The following STAT3 variants were observed in gnomAD, a reference collection of about 807,000 sequenced individuals.
STAT3 encodes DNA-binding protein APRF.
Under a neutral mutation model 114.3 loss-of-function variants are expected in STAT3, and 7 were observed. The observed-to-expected ratio is 0.06, with a 90% CI of 0.03 to 0.11. The LOEUF (loss-of-function observed/expected upper bound fraction) is 0.11. Ranked by LOEUF, STAT3 falls within the 10% of genes least tolerant of loss-of-function variation. The pLI is 1.00. For missense variants in STAT3, 364 were observed against 960.9 expected (o/e 0.38, Z 8.21); for synonymous variants, 331 against 354.5 (o/e 0.93, Z 0.74).
chr17:42,377,466 A>G (rs2084530753), intron 1 of STAT3, among the ~76,000 whole-genome samples: 1 of 152,176 alleles, frequency 6.6e-6, no homozygotes, highest in South Asian at 2.1e-4. Flanking sequence ...AGTGACAAAA[A>G]GCAAAATACA....
Position 42,333,849 on chromosome 17 carries a change from G to A in STAT3, c.956+42C>T. On this transcript the variant is annotated intron_variant, in intron 9 of 23. Transcript: ENST00000264657. The surrounding 1 kb of genome is among the most constrained non-coding windows in gnomAD (Gnocchi z 5.2). ...CTCACTCTACCACGTGAGTCTTTAG[G>A]TATTTTTTAGATGAGGGAAAGGGAC... 6.2e-7 allele frequency: 1 copy of A among 1,614,038 alleles called. No homozygotes were observed. The highest frequency in any genetic ancestry group is 8.5e-7 in the Non-Finnish European group (1 of 1,179,998).
intron 4 of STAT3, among the ~76,000 whole-genome samples, chr17:42,341,375 C>T (rs1370359494): frequency 6.6e-6 from 1 of 152,232 alleles, no homozygotes; most frequent in East Asian, 1.9e-4. Flanking sequence ...ACACTCTCTT[C>T]CCACCCGCTA....
chr17:42,316,168 GC>G, intron 23 of STAT3: 3 of 908,360 alleles, frequency 3.3e-6, no homozygotes, highest in Non-Finnish European at 4.3e-6. Flanking sequence ...GCTGTCAAAA[GC>G]CCACTGGATT....
rs554827097 is a variant in STAT3, at chr17:42,314,253, T to C, written c.*1492A>G. ...CTGCATGAACTGAATGAAGACGCCA[T>C]TACAAGTGCCACTGGATATCACCAA... On this transcript the variant is annotated 3_prime_UTR_variant, in exon 24 of 24. Transcript: ENST00000264657. The C allele has an allele frequency of 3.0e-5, 7 of 232,962 alleles. No homozygotes were observed. The East Asian group carries it at 3.6e-4, about 12-fold the overall frequency. 14.4% of individuals were successfully genotyped at this position (232,962 alleles called of 1,614,324 possible).
chr17:42,332,980 G>C (rs2082087094), intron 10 of STAT3, among the ~76,000 whole-genome samples: 1 of 152,158 alleles, frequency 6.6e-6, no homozygotes, highest in Non-Finnish European at 1.5e-5. Context: ...CAGCCTGGGT[G>C]AGAGTGAGAC....
intron 21 of STAT3, 62 bp downstream of exon 21, chr17:42,322,220 G>A (rs879162920): frequency 6.5e-6 from 10 of 1,545,414 alleles, no homozygotes; most frequent in Non-Finnish European, 8.9e-6. Context: ...TATCCTCCAA[G>A]GATCCCAAAA....
chr17:42,331,618 C>A (rs1567716155), intron 10 of STAT3, 87 bp from the exon 11 acceptor site: 5 of 1,135,016 alleles, frequency 4.4e-6, no homozygotes, highest in South Asian at 1.3e-5. Context: ...CATAATTCTT[C>A]ATTTCCAACA....
intron 23 of STAT3, 134 bp downstream of exon 23, chr17:42,316,655 T>A: frequency 2.6e-6 from 4 of 1,543,096 alleles, no homozygotes; most frequent in Non-Finnish European, 3.5e-6. Flanking sequence ...ATTCATACCA[T>A]CTCTTTTGGA....
intron 14 of STAT3, among the ~76,000 whole-genome samples, chr17:42,327,283 TG>T (rs756721658): frequency 6.6e-5 from 10 of 152,222 alleles, no homozygotes; most frequent in Non-Finnish European, 1.2e-4. Flanking sequence ...TGTTTTGTTT[TG>T]TTTTTTTACA....
chr17:42,380,392 T>C (rs1313605341), intron 1 of STAT3, among the ~76,000 whole-genome samples: 1 of 151,230 alleles, frequency 6.6e-6, no homozygotes, highest in Non-Finnish European at 1.5e-5. Flanking sequence ...TTTTTGTTTT[T>C]CGGTTTTTTT....
chr17:42,369,253 G>C (rs1168081859), intron 1 of STAT3, among the ~76,000 whole-genome samples: 3 of 152,168 alleles, frequency 2.0e-5, no homozygotes, highest in Non-Finnish European at 2.9e-5. Flanking sequence ...AGCTACTCGG[G>C]AGGCTGAGGC....
At chr17:42,350,907 C>T (rs1218490362) in intron 1 of STAT3, among the ~76,000 whole-genome samples, 3 of 151,978 alleles carry the variant, frequency 2.0e-5, no homozygotes, top group East Asian at 1.9e-4. Context: ...CCAAGGCAGG[C>T]GGATCATGAG....
intron 1 of STAT3, among the ~76,000 whole-genome samples, chr17:42,378,524 G>T (rs762707954): frequency 3.1e-4 from 47 of 152,248 alleles, no homozygotes; most frequent in Non-Finnish European, 6.0e-4. Context: ...TGGGATTACA[G>T]GCGTGAGCCA....
Position 42,324,983 on chromosome 17 carries a change from T to C in STAT3, c.1444A>G (p.Met482Val), listed in dbSNP as rs1311415179. The change falls in exon 16 of 24, where the codon ATG (methionine) becomes GTG (valine). Residue 482 changes from methionine to valine, a missense_variant. Physicochemically the swap from Met to Val is conservative, Grantham distance 21 (BLOSUM62 1). Coordinates refer to ENST00000264657, the MANE Select transcript of STAT3 (RefSeq NM_139276.3). This position sits in a 1 kb window ranked among gnomAD's most constrained non-coding sequence, Gnocchi z 4.5. The stretch of plus-strand genomic sequence containing the variant: ...CTAACCTTGGGATTGTTGGTCAGCA[T>C]GTTGTACCACAGGATGGACGCCCAG... Reference protein sequence around the residue: ...NAWASILWYNMLTNNPKNVNF... With the variant: ...NAWASILWYNVLTNNPKNVNF... 2 of 1,614,180 alleles carry C rather than the reference T, an allele frequency of 1.2e-6. No homozygotes were observed. The highest frequency in any genetic ancestry group is 3.3e-5 in the Admixed American group (2 of 60,016).
rs1347802112 is a variant in STAT3, at chr17:42,313,544, G to A, written c.*2201C>T. 1 of 231,240 alleles carries A rather than the reference G, an allele frequency of 4.3e-6. No individual in the cohort carries two copies. Among genetic ancestry groups the A allele is most frequent in the Non-Finnish European group, 8.6e-6 (1 of 116,774 alleles). 14.3% of individuals were successfully genotyped at this position (231,240 alleles called of 1,614,324 possible). On this transcript the variant is annotated 3_prime_UTR_variant, in exon 24 of 24. Transcript: ENST00000264657. ...GGATTCCCTCGGCTGGGCTGGGGAT[G>A]GGGAGGGGGCAGTGGACAGGAAGCG... is the stretch of plus-strand genomic sequence containing the variant.
At chr17:42,374,628 A>AG (rs57939255) in intron 1 of STAT3, among the ~76,000 whole-genome samples, 1 of 151,438 alleles carries the variant, frequency 6.6e-6, no homozygotes, top group Non-Finnish European at 1.5e-5. Flanking sequence ...AAAAAAAAAA[A>AG]GAACCCAGTC....
rs2081178479 is a variant in STAT3, at chr17:42,314,404, C to T, written c.*1341G>A. The stretch of plus-strand genomic sequence containing the variant: ...TCCATGAGGTCCTGAGACCAGGATT[C>T]CTAAAACAAACAGGATGAGGGACCT... On this transcript the variant is annotated 3_prime_UTR_variant, in exon 24 of 24. Coordinates refer to ENST00000264657, the MANE Select transcript of STAT3 (RefSeq NM_139276.3). The T allele has an allele frequency of 4.8e-6, 1 of 206,576 alleles. No homozygotes were observed. The highest frequency in any genetic ancestry group is 5.9e-5 in the Admixed American group (1 of 16,808). 12.8% of individuals were successfully genotyped at this position (206,576 alleles called of 1,614,324 possible).
intron 1 of STAT3, among the ~76,000 whole-genome samples, chr17:42,370,027 G>A (rs754236322): frequency 1.1e-4 from 16 of 151,562 alleles, no homozygotes; most frequent in Non-Finnish European, 2.2e-4. Context: ...ACTAGAGTGC[G>A]GTGGCGAGAT....
intron 21 of STAT3, among the ~76,000 whole-genome samples, chr17:42,321,202 C>CTCAAA (rs1197175926): frequency 3.3e-5 from 5 of 149,840 alleles, no homozygotes; most frequent in Admixed American, 3.3e-4. Context: ...TCACTGCAGC[C>CTCAAA]TCAACCTCCT....
Sources: gnomAD v4.1 joint callset for allele counts (sites outside exome capture counted in the v4.1 genomes callset) on GRCh38, gnomAD v4.1.1 for gene constraint, Gnocchi (gnomAD v3.1) non-coding constraint, MANE v1.5 for transcripts, NCBI Gene and HGNC (gene_info 2026-07-23, HGNC 2026-07-21) for gene names.